The following MTERF4 variants were observed in gnomAD, a reference collection of about 807,000 sequenced individuals.
MTERF4 encodes the protein mitochondrial transcription termination factor 4.
A neutral mutation model predicts 22.5 loss-of-function variants in MTERF4; 17 were observed. The observed-to-expected ratio is 0.75, with a 90% confidence interval of 0.52 to 1.13. The LOEUF is 1.13. MTERF4 is among the 50% of genes most tolerant of loss of function. The probability of loss-of-function intolerance (pLI) is 0.00; values close to 1 mark genes in which losing one functional copy is unlikely to be tolerated. For synonymous variants in MTERF4, 165 were observed against 175.3 expected, an observed-to-expected ratio of 0.94 and a Z score of 0.47; for missense variants, 420 against 466.8, an observed-to-expected ratio of 0.90 and a Z score of 0.92.
the MTERF4 span, among the ~76,000 whole-genome samples, chr2:241,060,792 G>A: frequency 3.3e-5 from 5 of 152,186 alleles, no homozygotes; most frequent in African/African-American, 9.6e-5. Flanking sequence ...TTAACCAGGC[G>A]TAGTGGCATG....
At chr2:241,087,682 C>T (rs1018988600), downstream of MTERF4, 15 of 1,365,098 alleles carry the variant, frequency 1.1e-5, no homozygotes, top group African/African-American at 3.0e-5. Flanking sequence ...GGGGCACAGC[C>T]GGGCATGCTG....
At chr2:241,089,274 G>C (rs1363604185), downstream of MTERF4, 1 of 1,545,540 alleles carries the variant, frequency 6.5e-7, no homozygotes. Context: ...CCTTATAGGA[G>C]CCCTCACAGT....
the MTERF4 span, among the ~76,000 whole-genome samples, chr2:241,043,641 T>A: frequency 6.6e-6 from 1 of 151,968 alleles, no homozygotes; most frequent in African/African-American, 2.4e-5. Context: ...TAAAGAAAAA[T>A]TTTAAAATAA....
At chr2:241,058,717 G>A in the MTERF4 span, among the ~76,000 whole-genome samples, 13 of 152,280 alleles carry the variant, frequency 8.5e-5, no homozygotes, top group South Asian at 6.2e-4. Context: ...TTAGGAGGCC[G>A]AGGCAGGCAC....
At chr2:241,065,307 C>T in the MTERF4 span, 1 of 1,612,722 alleles carries the variant, frequency 6.2e-7, no homozygotes, top group Non-Finnish European at 8.5e-7. Flanking sequence ...AGAGCTCTTC[C>T]CACCGACGGC....
chr2:241,072,255 C>T (rs896797887), exon 5 of MTERF4: 8 of 480,520 alleles, frequency 1.7e-5, no homozygotes, highest in Admixed American at 1.2e-4. Flanking sequence ...AGGGTCTAAC[C>T]CGCCACTCCG....
downstream of MTERF4, among the ~76,000 whole-genome samples, chr2:241,084,199 C>T (rs1055549691): frequency 6.9e-6 from 1 of 144,234 alleles, no homozygotes; most frequent in Non-Finnish European, 1.5e-5. Context: ...TGCGATGGTG[C>T]GATCTTGGCT....
Position 241,073,126 on chromosome 2 carries a change from G to A in MTERF4, n.3036C>T, listed in dbSNP as rs2062819685. ...GGAGGCAGCTCTGGGGCCGACAGGT[G>A]CTGGGGCCACGCAGGGAGCCTGGTC... On this transcript the variant is annotated non_coding_transcript_exon_variant, in exon 5 of 5. Coordinates refer to the MTERF4 transcript ENST00000464344. The surrounding 1 kb of genome is among the most constrained non-coding windows in gnomAD (Gnocchi z 6.6). The A allele has an allele frequency of 3.1e-6, 2 of 635,084 alleles. No homozygotes were observed. Among genetic ancestry groups the A allele is most frequent in the Non-Finnish European group, 5.5e-6 (2 of 363,766 alleles). The allele number at this position is 635,084 out of a possible 1,614,324, so 39.3% of individuals were successfully genotyped here.
chr2:241,051,711 C>A, the MTERF4 span: 2 of 1,434,232 alleles, frequency 1.4e-6, no homozygotes, highest in Non-Finnish European at 1.8e-6. The surrounding 1 kb of genome is among the most constrained non-coding windows in gnomAD (Gnocchi z 4.7). Context: ...GCAGCCTGGC[C>A]CCGTTCATCT....
Position 241,102,245 on chromosome 2 carries a change from G to C in MTERF4, c.21+8C>G, listed in dbSNP as rs907082673. On this transcript the variant is annotated splice_region_variant and intron_variant, in intron 1 of 3. Coordinates refer to ENST00000391980, the MANE Select transcript of MTERF4 (RefSeq NM_182501.4). ...CCGGAGAAGCCCGCGCGCCCAGCTCGAGCTTACCTGACGGCCGAACGCAGC... is the reference window on the plus strand; with the variant it reads ...CCGGAGAAGCCCGCGCGCCCAGCTCCAGCTTACCTGACGGCCGAACGCAGC... The C allele has an allele frequency of 6.5e-7, 1 of 1,549,298 alleles. No homozygotes were observed. Among genetic ancestry groups the C allele is most frequent in the Non-Finnish European group, 8.7e-7 (1 of 1,146,098 alleles).
the MTERF4 span, among the ~76,000 whole-genome samples, chr2:241,055,190 A>G: frequency 1.3e-5 from 2 of 152,168 alleles, no homozygotes; most frequent in African/African-American, 4.8e-5. Context: ...TCGGAGCCCA[A>G]GAAGAAGAGA....
chr2:241,081,374 C>T (rs1234844575), intron 4 of MTERF4, among the ~76,000 whole-genome samples: 1 of 152,118 alleles, frequency 6.6e-6, no homozygotes, highest in Non-Finnish European at 1.5e-5. Flanking sequence ...CTGAAGGCCC[C>T]GCTCCTCCCT....
At chr2:241,082,351 G>A (rs142548282), downstream of MTERF4, 155 of 1,613,050 alleles carry the variant, frequency 9.6e-5, no homozygotes, top group East Asian at 1.9e-3. Flanking sequence ...GGAGGGAGGC[G>A]TCTGTCACCA....
chr2:241,065,685 C>T, the MTERF4 span: 2,700 of 1,109,842 alleles, frequency 2.4e-3, 48 homozygotes, highest in African/African-American at 0.036. Context: ...GCTGTCATGC[C>T]GTCCACCCTC....
chr2:241,064,811 C>T, the MTERF4 span: 8 of 1,496,764 alleles, frequency 5.3e-6, no homozygotes, highest in Non-Finnish European at 7.2e-6. This position sits in a 1 kb window ranked among gnomAD's most constrained non-coding sequence, Gnocchi z 7.0. Context: ...CTGGCCACGC[C>T]CCAACATACA....
chr2:241,083,191 G>A (rs1165263566), downstream of MTERF4, among the ~76,000 whole-genome samples: 1 of 152,200 alleles, frequency 6.6e-6, no homozygotes, highest in Non-Finnish European at 1.5e-5. Flanking sequence ...CAAGAGGGCA[G>A]CCTCCTGGGG....
chr2:241,063,688 C>T, the MTERF4 span: 1 of 1,606,912 alleles, frequency 6.2e-7, no homozygotes, highest in Non-Finnish European at 8.5e-7. Flanking sequence ...CGTTGGAGTC[C>T]ACTGTGAGAC....
intron 4 of MTERF4, chr2:241,081,580 C>A: frequency 1.2e-6 from 1 of 837,128 alleles, no homozygotes; most frequent in Non-Finnish European, 1.9e-6. Flanking sequence ...GCACGGCCAC[C>A]CTGCATCAGG....
At chr2:241,056,604 G>A in the MTERF4 span, among the ~76,000 whole-genome samples, 2 of 25,386 alleles carry the variant, frequency 7.9e-5, no homozygotes. Flanking sequence ...TTTTTGAGAC[G>A]GAGTCTCGCT....
Sources: gnomAD v4.1 joint callset for allele counts (sites outside exome capture counted in the v4.1 genomes callset) on GRCh38, gnomAD v4.1.1 for gene constraint, Gnocchi (gnomAD v3.1) non-coding constraint, MANE v1.5 for transcripts, NCBI Gene and HGNC (gene_info 2026-07-23, HGNC 2026-07-21) for gene names.